WNK2: variants seen among roughly 807,000 people sequenced by gnomAD.
WNK2 encodes WNK lysine deficient protein kinase 2, also known as serine/threonine-protein kinase WNK2.
Under a neutral mutation model 192.1 loss-of-function variants are expected in WNK2, and 67 were observed. That is an observed-to-expected ratio of 0.35 (90% CI 0.29 to 0.43). WNK2 has a LOEUF of 0.43. Ranked by LOEUF, WNK2 falls within the 20% of genes least tolerant of loss-of-function variation. WNK2 has a pLI of 1.00. For missense variants in WNK2, 2,698 were observed against 3,089.7 expected (o/e 0.87, Z 3.01); for synonymous variants, 1,439 against 1,393.9 (o/e 1.03, Z -0.72).
chr9:93,317,949 C>T, intron 29 of WNK2: 4 of 1,611,792 alleles, frequency 2.5e-6, no homozygotes, highest in Non-Finnish European at 3.4e-6. Context: ...GCTGTGGGCA[C>T]AGCACTCAGC....
intron 2 of WNK2, among the ~76,000 whole-genome samples, chr9:93,211,521 T>A (rs1178081107): frequency 2.4e-5 from 3 of 127,462 alleles, no homozygotes; most frequent in Admixed American, 2.3e-4. Context: ...CACTCACTCA[T>A]ACATTCACTC....
chr9:93,203,401 T>G (rs1587846490), intron 2 of WNK2, among the ~76,000 whole-genome samples: 2 of 151,816 alleles, frequency 1.3e-5, no homozygotes, highest in South Asian at 2.1e-4. Flanking sequence ...AGTGAGGAGG[T>G]TTCAGATTTT....
chr9:93,294,198 G>T (rs755277473), intron 23 of WNK2, among the ~76,000 whole-genome samples: 1 of 152,220 alleles, frequency 6.6e-6, no homozygotes, highest in Non-Finnish European at 1.5e-5. Flanking sequence ...TCTGCACAGC[G>T]TATGCACAGA....
At chr9:93,231,337 T>C (rs10821093) in intron 4 of WNK2, among the ~76,000 whole-genome samples, 49,566 of 152,262 alleles carry the variant, frequency 0.33, 8,647 homozygotes, top group South Asian at 0.52. Context: ...TGGGCTGGGA[T>C]AGCTGACTTG....
At chr9:93,231,880 C>G (rs118137723) in intron 4 of WNK2, among the ~76,000 whole-genome samples, 2,606 of 152,336 alleles carry the variant, frequency 0.017, 175 homozygotes, top group Admixed American at 0.13. Context: ...GCTCCTGGCA[C>G]AGTGGGTGTG....
chr9:93,276,714 T>C (rs200559044), intron 19 of WNK2, among the ~76,000 whole-genome samples: 1 of 152,182 alleles, frequency 6.6e-6, no homozygotes, highest in East Asian at 1.9e-4. Flanking sequence ...TAAAGAATTC[T>C]CAAAACTCAA....
In WNK2 at chr9:93,289,186, C is replaced by G. The variant is rs762797831; in HGVS notation, c.4432C>G (p.Pro1478Ala). ...ASAPREPLPP[P>A]APEPSPHSGT... is the part of the protein sequence containing the mutation. Reference sequence around the variant, plus strand: ...TGCCCCAAGGGAGCCCCTGCCACCTCCTGCACCTGAGCCCAGCCCCCACAG... The same window carrying G: ...TGCCCCAAGGGAGCCCCTGCCACCTGCTGCACCTGAGCCCAGCCCCCACAG... Residue 1478 changes from proline to alanine, a missense_variant, in exon 20 of 30, where the codon CCT (proline) becomes GCT (alanine). Pro to Ala is a conservative substitution (Grantham distance 27). Transcript: ENST00000427277. 6.2e-7 allele frequency: 1 copy of G among 1,602,020 alleles called. No individual in the cohort carries two copies. Among genetic ancestry groups the G allele is most frequent in the South Asian group, 1.1e-5 (1 of 90,356 alleles).
chr9:93,272,388 A>G (rs113441789), intron 19 of WNK2, among the ~76,000 whole-genome samples: 91 of 152,336 alleles, frequency 6.0e-4, no homozygotes, highest in African/African-American at 1.9e-3. Context: ...GCAACCACTG[A>G]AAGAATTATA....
intron 2 of WNK2, among the ~76,000 whole-genome samples, chr9:93,190,229 G>A (rs539615452): frequency 6.6e-6 from 1 of 152,338 alleles, no homozygotes; most frequent in Non-Finnish European, 1.5e-5. Flanking sequence ...AAATGTGGGC[G>A]CCAAGCTCTC....
In WNK2 at chr9:93,214,904, A is replaced by T. The variant is rs1835466573; in HGVS notation, c.682-14792A>T. 2.0e-5 allele frequency among the ~76,000 whole-genome samples: 3 copies of T among 151,154 alleles called. No individual in the cohort carries two copies. In the South Asian group the frequency reaches 6.3e-4, roughly 32 times the overall value. ...TATTATTATTATTATTATTTTAGAG[A>T]TGAGGCCTTGCTCTGTCACCCAGGC... is the stretch of plus-strand genomic sequence containing the variant. On this transcript the variant is annotated intron_variant, in intron 2 of 29. Coordinates refer to ENST00000427277, the MANE Select transcript of WNK2 (RefSeq NM_006648.4).
intron 28 of WNK2, among the ~76,000 whole-genome samples, chr9:93,312,918 G>T (rs1278491475): frequency 7.9e-5 from 12 of 152,100 alleles, no homozygotes. Flanking sequence ...CTCCTCACAG[G>T]ATCATTTCCA....
At chr9:93,317,924 T>C in intron 29 of WNK2, 2 of 1,598,936 alleles carry the variant, frequency 1.3e-6, no homozygotes, top group Non-Finnish European at 1.7e-6. Flanking sequence ...GGCCTCCGAG[T>C]CCCCCCCACC....
chr9:93,263,770 GTGGGGGC>G, intron 15 of WNK2, 36 bp downstream of exon 15: 1 of 792,656 alleles, frequency 1.3e-6, no homozygotes, highest in Admixed American at 2.7e-5. Context: ...TGTGGTGGGG[GTGGGGGC>G]ATGGTGGGGG....
At chr9:93,210,894 G>C (rs1834376739) in intron 2 of WNK2, among the ~76,000 whole-genome samples, 1 of 152,172 alleles carries the variant, frequency 6.6e-6, no homozygotes, top group African/African-American at 2.4e-5. Flanking sequence ...GAGCCCCAGG[G>C]ACTTCAGTGG....
intron 28 of WNK2, 129 bp downstream of exon 28, chr9:93,308,713 C>T: frequency 7.3e-7 from 1 of 1,364,584 alleles, no homozygotes; most frequent in Non-Finnish European, 9.7e-7. Context: ...AGTTCATTCT[C>T]CCCACAGCCC....
At chr9:93,245,811 C>T (rs1841582371) in intron 7 of WNK2, among the ~76,000 whole-genome samples, 1 of 152,188 alleles carries the variant, frequency 6.6e-6, no homozygotes, top group Non-Finnish European at 1.5e-5. Flanking sequence ...GGTCAGGGAT[C>T]AGGTGCCTTG....
intron 2 of WNK2, among the ~76,000 whole-genome samples, chr9:93,220,895 C>T (rs1241419959): frequency 1.3e-5 from 2 of 150,250 alleles, no homozygotes; most frequent in East Asian, 1.9e-4. Flanking sequence ...CAGCCTGGGT[C>T]CCCCTTTGGT....
At chr9:93,281,313 C>T (rs1847700954) in intron 19 of WNK2, among the ~76,000 whole-genome samples, 1 of 152,040 alleles carries the variant, frequency 6.6e-6, no homozygotes, top group Admixed American at 6.6e-5. Context: ...AGTTTGCCTA[C>T]TGCATTAAAA....
At chr9:93,204,534 G>T (rs1252910643) in intron 2 of WNK2, among the ~76,000 whole-genome samples, 1 of 152,216 alleles carries the variant, frequency 6.6e-6, no homozygotes, top group Admixed American at 6.5e-5. Context: ...CTGTTGTCGG[G>T]TACCCAAGGT....
Sources: gnomAD v4.1 joint callset for allele counts (sites outside exome capture counted in the v4.1 genomes callset) on GRCh38, gnomAD v4.1.1 for gene constraint, MANE v1.5 for transcripts, NCBI Gene and HGNC (gene_info 2026-07-23, HGNC 2026-07-21) for gene names.